The following CNTN1 variants were observed in gnomAD, a reference collection of about 807,000 sequenced individuals.
CNTN1 encodes the protein contactin-1.
Under a neutral mutation model 126.4 loss-of-function variants are expected in CNTN1, and 38 were observed. The observed-to-expected ratio is 0.30, with a 90% CI of 0.23 to 0.39. The LOEUF is 0.39. Ranked by LOEUF, CNTN1 falls within the 10% of genes least tolerant of loss-of-function variation. CNTN1 has a pLI of 1.00. For synonymous variants in CNTN1, 413 were observed against 422.6 expected, an observed-to-expected ratio of 0.98 and a Z score of 0.28; for missense variants, 1,009 against 1,248.4, an observed-to-expected ratio of 0.81 and a Z score of 2.89.
At chr12:40,838,704 G>GAC (rs1255594719) in intron 1 of CNTN1, among the ~76,000 whole-genome samples, 1 of 152,058 alleles carries the variant, frequency 6.6e-6, no homozygotes, top group African/African-American at 2.4e-5. Flanking sequence ...ATTATACAGA[G>GAC]ACACACTTAG....
chr12:40,745,887 T>A (rs975588758), intron 1 of CNTN1, among the ~76,000 whole-genome samples: 3 of 152,144 alleles, frequency 2.0e-5, no homozygotes, highest in African/African-American at 7.2e-5. Context: ...ATAAAACCCC[T>A]CTGATGAGAC....
At chr12:40,899,949 A>G (rs1944550725) in intron 1 of CNTN1, among the ~76,000 whole-genome samples, 1 of 152,186 alleles carries the variant, frequency 6.6e-6, no homozygotes, top group African/African-American at 2.4e-5. Flanking sequence ...AAAAAAATTA[A>G]GTAATAAACG....
chr12:40,937,748 A>G, intron 11 of CNTN1, 61 bp downstream of exon 11: 1 of 973,098 alleles, frequency 1.0e-6, no homozygotes, highest in East Asian at 2.4e-5. Flanking sequence ...ATCACACAAA[A>G]TGTTTATTGA....
intron 1 of CNTN1, among the ~76,000 whole-genome samples, chr12:40,705,303 C>A (rs1591991221): frequency 6.6e-6 from 1 of 152,158 alleles, no homozygotes; most frequent in East Asian, 1.9e-4. Flanking sequence ...CAGTTGACAC[C>A]ACTATTTGAA....
intron 23 of CNTN1, among the ~76,000 whole-genome samples, chr12:41,042,621 A>C (rs1949442254): frequency 6.6e-6 from 1 of 152,188 alleles, no homozygotes; most frequent in South Asian, 2.1e-4. Flanking sequence ...GCTACCAATG[A>C]CTTTCTTCAC....
At chr12:40,736,256 C>G (rs1480506679) in intron 1 of CNTN1, among the ~76,000 whole-genome samples, 1 of 151,894 alleles carries the variant, frequency 6.6e-6, no homozygotes, top group Non-Finnish European at 1.5e-5. Context: ...TACATAGGCA[C>G]AAGTAAAATG....
chr12:40,892,869 T>A (rs1944288726), intron 1 of CNTN1, among the ~76,000 whole-genome samples: 1 of 146,690 alleles, frequency 6.8e-6, no homozygotes, highest in Non-Finnish European at 1.5e-5. Flanking sequence ...GAGATTCAGT[T>A]CAGCACAATA....
chr12:41,045,843 T>C (rs1295753608), intron 23 of CNTN1, among the ~76,000 whole-genome samples: 1 of 152,166 alleles, frequency 6.6e-6, no homozygotes, highest in African/African-American at 2.4e-5. Flanking sequence ...CAGCCAGTAG[T>C]CCTTCTTCTA....
At chr12:40,796,464 G>C (rs1940435169) in intron 1 of CNTN1, among the ~76,000 whole-genome samples, 1 of 151,984 alleles carries the variant, frequency 6.6e-6, no homozygotes, top group South Asian at 2.1e-4. Flanking sequence ...AAAATCTCTA[G>C]GAGTGGGGCC....
intron 1 of CNTN1, among the ~76,000 whole-genome samples, chr12:40,841,918 T>C (rs1474760566): frequency 6.6e-6 from 1 of 152,080 alleles, no homozygotes; most frequent in Non-Finnish European, 1.5e-5. Flanking sequence ...GATTGATACC[T>C]AAATGTCCTG....
At chr12:40,972,181 A>C in intron 15 of CNTN1, 2 of 985,406 alleles carry the variant, frequency 2.0e-6, no homozygotes, top group Non-Finnish European at 2.4e-6. Flanking sequence ...TGACTAAGCC[A>C]TTAACAGCAT....
At chr12:41,045,899 T>G (rs1178914095) in intron 23 of CNTN1, among the ~76,000 whole-genome samples, 1 of 152,154 alleles carries the variant, frequency 6.6e-6, no homozygotes, top group East Asian at 1.9e-4. Flanking sequence ...CACTTCTTTT[T>G]CTTAAAAATG....
intron 16 of CNTN1, among the ~76,000 whole-genome samples, chr12:40,989,905 A>G (rs1490185114): frequency 6.6e-6 from 1 of 152,092 alleles, no homozygotes; most frequent in Non-Finnish European, 1.5e-5. Context: ...GATATGGGCT[A>G]CTTAGCTCAA....
chr12:40,998,155 G>T (rs542058831), intron 17 of CNTN1, among the ~76,000 whole-genome samples: 1 of 152,236 alleles, frequency 6.6e-6, no homozygotes, highest in Admixed American at 6.5e-5. Flanking sequence ...GTGTTTTGAT[G>T]ATTGAAAACA....
At chr12:40,763,732 A>G (rs935063900) in intron 1 of CNTN1, among the ~76,000 whole-genome samples, 2 of 152,220 alleles carry the variant, frequency 1.3e-5, no homozygotes, top group Non-Finnish European at 2.9e-5. Flanking sequence ...TGTAATATCC[A>G]TGACTAATTT....
At chr12:40,730,496 T>C (rs1293030930) in intron 1 of CNTN1, among the ~76,000 whole-genome samples, 1 of 152,180 alleles carries the variant, frequency 6.6e-6, no homozygotes, top group Non-Finnish European at 1.5e-5. Context: ...GTCCATGGTA[T>C]CCTGAAAACA....
In CNTN1 at chr12:40,781,463, C is replaced by T. The variant is rs144817574; in HGVS notation, c.-77+88871C>T. The stretch of plus-strand genomic sequence containing the variant: ...TATGTGTCAGAGATTCCTGGGTGAA[C>T]TTTCCTCTCTTTTCCTAAGGGTTCC... On this transcript the variant is annotated intron_variant, in intron 1 of 23. Coordinates refer to ENST00000551295, the MANE Select transcript of CNTN1 (RefSeq NM_001843.4). Among the ~76,000 whole-genome samples the T allele has an allele frequency of 1.7e-4, 26 of 152,066 alleles. 1 individual carries two copies. Among genetic ancestry groups the T allele is most frequent in the African/African-American group, 6.3e-4 (26 of 41,534 alleles).
chr12:40,923,047 G>A (rs1012300439), intron 5 of CNTN1, among the ~76,000 whole-genome samples: 3 of 151,312 alleles, frequency 2.0e-5, no homozygotes, highest in Non-Finnish European at 4.4e-5. Context: ...ACCCCTAAGG[G>A]GGTGAAAATT....
intron 1 of CNTN1, among the ~76,000 whole-genome samples, chr12:40,733,991 C>T (rs1942559742): frequency 6.6e-6 from 1 of 152,066 alleles, no homozygotes. Flanking sequence ...TGCAACTCTC[C>T]TTCTGACATT....
Sources: allele counts gnomAD v4.1 joint callset (sites outside exome capture counted in the v4.1 genomes callset), GRCh38; gene constraint gnomAD v4.1.1; transcripts MANE v1.5; gene names NCBI Gene and HGNC (gene_info 2026-07-23, HGNC 2026-07-21).